The following CLSTN2 variants were observed in gnomAD, a reference collection of about 807,000 sequenced individuals.
CLSTN2 encodes calsyntenin-2.
A neutral mutation model predicts 101.2 loss-of-function variants in CLSTN2; 48 were observed. The ratio of observed to expected loss-of-function variants is 0.47; its 90% CI spans 0.38 to 0.60. The LOEUF is 0.60. Among genes scored for constraint, CLSTN2 ranks in the 20% least tolerant of loss-of-function variants. CLSTN2 has a pLI of 0.00. For synonymous variants in CLSTN2, 481 were observed against 463.6 expected, an observed-to-expected ratio of 1.04 and a Z score of -0.48; for missense variants, 1,160 against 1,238.2, an observed-to-expected ratio of 0.94 and a Z score of 0.95.
chr3:140,014,408 G>A (rs1427634654), intron 1 of CLSTN2, among the ~76,000 whole-genome samples: 3 of 151,868 alleles, frequency 2.0e-5, no homozygotes, highest in East Asian at 1.9e-4. Context: ...TAGTAGAGAC[G>A]GAGTTTCACT....
chr3:140,364,583 G>A (rs1441113430), intron 2 of CLSTN2, among the ~76,000 whole-genome samples: 1 of 152,152 alleles, frequency 6.6e-6, no homozygotes, highest in African/African-American at 2.4e-5. Flanking sequence ...TAAGGGTGGG[G>A]TAGGGAGTGA....
chr3:140,254,400 A>G (rs746639639), intron 2 of CLSTN2, among the ~76,000 whole-genome samples: 2 of 152,298 alleles, frequency 1.3e-5, no homozygotes, highest in African/African-American at 2.4e-5. Context: ...GTATATTTGC[A>G]TATGTGCATT....
chr3:140,427,189 ATATATATATATATATGTGT>A (rs2088576800), intron 5 of CLSTN2, among the ~76,000 whole-genome samples: 2 of 79,572 alleles, frequency 2.5e-5, no homozygotes, highest in African/African-American at 1.9e-4. Flanking sequence ...AAAAAAATAT[ATATATATATATATATGTGT>A]ATATATATAT....
intron 1 of CLSTN2, among the ~76,000 whole-genome samples, chr3:140,079,245 T>G (rs1407747240): frequency 1.3e-5 from 2 of 152,164 alleles, no homozygotes; most frequent in African/African-American, 4.8e-5. Flanking sequence ...GTCTCCCAAT[T>G]CAATGAACTC....
intron 8 of CLSTN2, among the ~76,000 whole-genome samples, chr3:140,514,447 G>T (rs543883819): frequency 6.6e-6 from 1 of 152,168 alleles, no homozygotes; most frequent in South Asian, 2.1e-4. Context: ...CCATTATTTT[G>T]TTCCTTTTTA....
At chr3:140,362,030 A>G (rs539403082) in intron 2 of CLSTN2, among the ~76,000 whole-genome samples, 1 of 152,322 alleles carries the variant, frequency 6.6e-6, no homozygotes, top group East Asian at 1.9e-4. Flanking sequence ...AAAAGGAATA[A>G]CGAAGTCAAA....
At chr3:140,141,072 G>A (rs1411464804) in intron 1 of CLSTN2, among the ~76,000 whole-genome samples, 1 of 152,206 alleles carries the variant, frequency 6.6e-6, no homozygotes, top group Non-Finnish European at 1.5e-5. Context: ...GGGCTGCAGA[G>A]GTTAGGAAAG....
chr3:140,570,144 A>G lies in CLSTN2; in HGVS notation c.*3891A>G, dbSNP rs1390884780. On this transcript the variant is annotated 3_prime_UTR_variant, in exon 17 of 17. Coordinates refer to ENST00000458420, the MANE Select transcript of CLSTN2 (RefSeq NM_022131.3). ...CATTCCTATATGTCAGGTGTCAGCAAACTATCTGTAAAGAGGCAAATAGTA... is the reference window on the plus strand; with the variant it reads ...CATTCCTATATGTCAGGTGTCAGCAGACTATCTGTAAAGAGGCAAATAGTA... 1 of 152,188 alleles carries G rather than the reference A, an allele frequency of 6.6e-6. No individual in the cohort carries two copies. The highest frequency in any genetic ancestry group is 2.4e-5 in the African/African-American group (1 of 41,442). The allele number at this position is 152,188 out of a possible 1,614,324, so 9.4% of individuals were successfully genotyped here. A position where few individuals can be genotyped will look rare whatever the true frequency, so the allele number is the denominator to read the frequency against.
At chr3:139,950,722 TATA>T (rs1416423979) in intron 1 of CLSTN2, among the ~76,000 whole-genome samples, 1 of 152,216 alleles carries the variant, frequency 6.6e-6, no homozygotes, top group Non-Finnish European at 1.5e-5. Context: ...AACAAATCAA[TATA>T]ATGTCTTCAC....
Position 139,977,019 on chromosome 3 carries a change from G to T in CLSTN2, c.109+41536G>T, listed in dbSNP as rs186492720. 3.7e-3 allele frequency among the ~76,000 whole-genome samples: 557 copies of T among 152,302 alleles called. 4 individuals are homozygous for T. Among genetic ancestry groups the T allele is most frequent in the Non-Finnish European group, 6.8e-3 (463 of 68,032 alleles). ...CCACCTGGACCTGGGGCCTGGGGAG[G>T]ACAAGCAGACACTCCATTTGCAAAC... On this transcript the variant is annotated intron_variant, in intron 1 of 16. Coordinates refer to ENST00000458420, the MANE Select transcript of CLSTN2 (RefSeq NM_022131.3).
At chr3:140,385,141 TCAGTGACTGG>T in intron 2 of CLSTN2, among the ~76,000 whole-genome samples, 1 of 152,276 alleles carries the variant, frequency 6.6e-6, no homozygotes, top group Admixed American at 6.5e-5. Flanking sequence ...GTCAGTGTGC[TCAGTGACTGG>T]CAGTGAATTT....
At chr3:140,048,695 C>T (rs1022674148) in intron 1 of CLSTN2, among the ~76,000 whole-genome samples, 1 of 152,064 alleles carries the variant, frequency 6.6e-6, no homozygotes, top group Non-Finnish European at 1.5e-5. Context: ...TGTCGGCTTC[C>T]TTACTGGGGG....
chr3:140,474,590 AAATC>A (rs1172767437), intron 8 of CLSTN2, among the ~76,000 whole-genome samples: 1 of 152,188 alleles, frequency 6.6e-6, no homozygotes, highest in Non-Finnish European at 1.5e-5. Flanking sequence ...CAAATTCATG[AAATC>A]CTCTTTCTCT....
At chr3:139,993,658 G>A (rs1291031009) in intron 1 of CLSTN2, among the ~76,000 whole-genome samples, 2 of 152,190 alleles carry the variant, frequency 1.3e-5, no homozygotes, top group Non-Finnish European at 2.9e-5. Context: ...CTTTCTGGAT[G>A]TTGTTCTGAT....
intron 1 of CLSTN2, among the ~76,000 whole-genome samples, chr3:140,042,540 A>G (rs2007782072): frequency 6.6e-6 from 1 of 152,104 alleles, no homozygotes; most frequent in South Asian, 2.1e-4. Context: ...TATTATTATT[A>G]TACTTTAAGT....
At chr3:140,177,425 G>A (rs574528749) in intron 2 of CLSTN2, among the ~76,000 whole-genome samples, 102 of 152,174 alleles carry the variant, frequency 6.7e-4, no homozygotes, top group Admixed American at 5.2e-4. Flanking sequence ...AGCAACCTCC[G>A]GAAATGAGAT....
At chr3:140,099,886 C>G (rs1301709953) in intron 1 of CLSTN2, among the ~76,000 whole-genome samples, 1 of 152,160 alleles carries the variant, frequency 6.6e-6, no homozygotes, top group Non-Finnish European at 1.5e-5. Flanking sequence ...TGGCCAGGCT[C>G]TGGGTCACCT....
intron 1 of CLSTN2, among the ~76,000 whole-genome samples, chr3:140,152,011 C>T (rs2009875017): frequency 6.6e-6 from 1 of 152,206 alleles, no homozygotes; most frequent in Non-Finnish European, 1.5e-5. Flanking sequence ...TAAGACCCAG[C>T]TCTGGCCCAG....
At position 140,532,550 on chromosome 3, in the gene CLSTN2, G is replaced by C. The variant is rs878891136; in HGVS notation, c.1507+64G>C. ...GAATAGTTCTTGGAAGATACTTGTA[G>C]AGAAAAAGGAAAAGCAAGTGGTGTG... On this transcript the variant is annotated intron_variant, in intron 9 of 16. Transcript: ENST00000458420. 9 of 1,404,660 alleles carry C rather than the reference G, an allele frequency of 6.4e-6. No individual in the cohort carries two copies. The East Asian group carries it at 1.7e-4, about 26-fold the overall frequency. The allele number at this position is 1,404,660 out of a possible 1,614,324, so 87.0% of individuals were successfully genotyped here. A position where few individuals can be genotyped will look rare whatever the true frequency, so the allele number is the denominator to read the frequency against.
Sources: gnomAD v4.1 joint callset for allele counts (sites outside exome capture counted in the v4.1 genomes callset) on GRCh38, gnomAD v4.1.1 for gene constraint, MANE v1.5 for transcripts, NCBI Gene and HGNC (gene_info 2026-07-23, HGNC 2026-07-21) for gene names.